Variants in SLC22A3 observed in about 807,000 individuals in gnomAD.
SLC22A3 encodes the protein solute carrier family 22 member 3.
A neutral mutation model predicts 59.1 loss-of-function variants in SLC22A3; 51 were observed. That is an observed-to-expected ratio of 0.86 (90% CI 0.69 to 1.09). The LOEUF (loss-of-function observed/expected upper bound fraction) is 1.09. SLC22A3 is among the 50% of genes least tolerant of loss of function. The probability of loss-of-function intolerance (pLI) is 0.00; values close to 1 mark genes in which losing one functional copy is unlikely to be tolerated. For missense variants in SLC22A3, 711 were observed against 726.3 expected (o/e 0.98, Z 0.24); for synonymous variants, 325 against 292.0 (o/e 1.11, Z -1.15).
At chr6:160,405,695 A>C (rs73590829) in intron 2 of SLC22A3, among the ~76,000 whole-genome samples, 4,105 of 152,228 alleles carry the variant, frequency 0.027, 174 homozygotes, top group African/African-American at 0.095. Context: ...CCATAGGTGA[A>C]TGGACAAACT....
chr6:160,378,324 A>G (rs1429527785), intron 1 of SLC22A3, among the ~76,000 whole-genome samples: 2 of 152,220 alleles, frequency 1.3e-5, no homozygotes, highest in Non-Finnish European at 2.9e-5. Context: ...GTGGATTTTC[A>G]TATGGCACTG....
intron 1 of SLC22A3, among the ~76,000 whole-genome samples, chr6:160,363,017 G>C (rs1470998622): frequency 6.6e-6 from 1 of 152,240 alleles, no homozygotes; most frequent in Admixed American, 6.5e-5. Context: ...CCCGCCGAGA[G>C]CTGAGGCTGG....
intron 5 of SLC22A3, 50 bp from the exon 6 acceptor site, chr6:160,436,730 G>T: frequency 5.9e-6 from 6 of 1,017,392 alleles, no homozygotes; most frequent in South Asian, 1.4e-5. Context: ...TACTATGCAG[G>T]TTTTTTTTTT....
intron 5 of SLC22A3, among the ~76,000 whole-genome samples, chr6:160,434,908 G>A (rs928222804): frequency 9.2e-5 from 14 of 152,222 alleles, no homozygotes; most frequent in African/African-American, 3.4e-4. Flanking sequence ...ACACAGAGGT[G>A]AGCAGCCAAG....
At position 160,393,337 on chromosome 6, in the gene SLC22A3, G is replaced by A. The variant is rs192934907; in HGVS notation, c.430-4642G>A. Among the ~76,000 whole-genome samples the A allele has an allele frequency of 6.9e-3, 1,047 of 151,136 alleles. 12 individuals are homozygous for A. Among genetic ancestry groups the A allele is most frequent in the African/African-American group, 0.025 (1,009 of 41,142 alleles). ...AAGTTTTAGGGTACATGTGCACAAC[G>A]TGCAGGTTTGTTACATATGTATACA... On this transcript the variant is annotated intron_variant, in intron 1 of 10. Transcript: ENST00000275300.
chr6:160,355,680 G>C (rs1379219195), intron 1 of SLC22A3, among the ~76,000 whole-genome samples: 2 of 152,094 alleles, frequency 1.3e-5, no homozygotes, highest in Non-Finnish European at 2.9e-5. Flanking sequence ...GTTGAGGCAG[G>C]AGAATGGCGT....
chr6:160,403,525 G>T (rs889728542), intron 2 of SLC22A3, among the ~76,000 whole-genome samples: 3 of 151,886 alleles, frequency 2.0e-5, no homozygotes, highest in African/African-American at 7.2e-5. Flanking sequence ...GAAGTAGAGG[G>T]ATTGCTTTCT....
At chr6:160,387,037 A>C (rs1181102411) in intron 1 of SLC22A3, among the ~76,000 whole-genome samples, 1 of 152,180 alleles carries the variant, frequency 6.6e-6, no homozygotes, top group Non-Finnish European at 1.5e-5. Flanking sequence ...GCTGTGACTC[A>C]TGCGCATGGC....
chr6:160,385,748 C>T (rs555856355), intron 1 of SLC22A3, among the ~76,000 whole-genome samples: 275 of 152,336 alleles, frequency 1.8e-3, no homozygotes, highest in African/African-American at 6.4e-3. Flanking sequence ...TTACCTCCCT[C>T]GCAGGCTCTC....
chr6:160,441,015 A>T (rs1473285147), intron 7 of SLC22A3, among the ~76,000 whole-genome samples: 1 of 151,710 alleles, frequency 6.6e-6, no homozygotes, highest in East Asian at 1.9e-4. Context: ...TCCATGAAAC[A>T]CCTTGCCTCG....
At chr6:160,366,113 A>G (rs913317152) in intron 1 of SLC22A3, among the ~76,000 whole-genome samples, 1 of 152,030 alleles carries the variant, frequency 6.6e-6, no homozygotes, top group Non-Finnish European at 1.5e-5. Flanking sequence ...TCCCCTCCCA[A>G]ATCTCATGTC....
At position 160,402,691 on chromosome 6, in the gene SLC22A3, A is replaced by C. The variant is rs1736391038; in HGVS notation, c.534-4350A>C. Reference sequence around the variant, plus strand: ...AAATTTGAAGAAATAAAAATTATACAATCTCTGCTCCCAGAACATAGTGGA... The same window carrying C: ...AAATTTGAAGAAATAAAAATTATACCATCTCTGCTCCCAGAACATAGTGGA... On this transcript the variant is annotated intron_variant, in intron 2 of 10. Transcript: ENST00000275300. 4.0e-5 allele frequency among the ~76,000 whole-genome samples: 6 copies of C among 151,846 alleles called. No individual in the cohort carries two copies. The South Asian group carries it at 1.2e-3, about 31-fold the overall frequency.
chr6:160,423,265 T>G (rs1027111239), intron 5 of SLC22A3, among the ~76,000 whole-genome samples: 1 of 152,248 alleles, frequency 6.6e-6, no homozygotes, highest in Non-Finnish European at 1.5e-5. Context: ...AAGTCTTTGC[T>G]ATTGTGAATA....
At position 160,415,641 on chromosome 6, in the gene SLC22A3, C is replaced by T. The variant is rs988588416; in HGVS notation, c.975+4795C>T. ...GAAGACGTTATCACTGTGTAAATGA[C>T]CTCATCCTTCACGACCTCTCTAATT... On this transcript the variant is annotated intron_variant, in intron 5 of 10. Coordinates refer to ENST00000275300, the MANE Select transcript of SLC22A3 (RefSeq NM_021977.4). The surrounding 1 kb of genome is among the most constrained non-coding windows in gnomAD (Gnocchi z 4.1). Among the ~76,000 whole-genome samples, 2 of 152,204 alleles carry T rather than the reference C, an allele frequency of 1.3e-5. No individual in the cohort carries two copies. Among genetic ancestry groups the T allele is most frequent in the Admixed American group, 6.5e-5 (1 of 15,270 alleles).
intron 5 of SLC22A3, among the ~76,000 whole-genome samples, chr6:160,422,527 C>T (rs1787780834): frequency 6.6e-6 from 1 of 152,190 alleles, no homozygotes. Flanking sequence ...GCGTGCGGCC[C>T]ATGCAACACA....
intron 2 of SLC22A3, among the ~76,000 whole-genome samples, chr6:160,404,863 A>G (rs1226135779): frequency 5.1e-5 from 7 of 138,292 alleles, no homozygotes; most frequent in African/African-American, 8.0e-5. Context: ...GGACAACCAC[A>G]TGCAAAAAAA....
At chr6:160,400,115 C>G (rs1330589265) in intron 2 of SLC22A3, among the ~76,000 whole-genome samples, 1 of 132,226 alleles carries the variant, frequency 7.6e-6, no homozygotes. Flanking sequence ...TTTTTTGCCA[C>G]CTGAAGCTCT....
Position 160,348,587 on chromosome 6 carries a change from C to G in SLC22A3, c.168C>G (p.Ala56=). Residue 56 remains alanine, a synonymous_variant, in exon 1 of 11, where the codon GCC becomes GCG. Coordinates refer to ENST00000275300, the MANE Select transcript of SLC22A3 (RefSeq NM_021977.4). ...ACTACTGGTGCCGCGGGCCAAGTGC[C>G]GCGGCGCTGGCCGAGCGCTGCGGCT... The part of the protein sequence containing the change: ...PDHYWCRGPS[A]AALAERCGWS... 6.6e-7 allele frequency: 1 copy of G among 1,523,928 alleles called. No homozygotes were observed. 94.4% of individuals were successfully genotyped at this position (1,523,928 alleles called of 1,614,324 possible).
chr6:160,425,579 A>C (rs1218599364), intron 5 of SLC22A3, among the ~76,000 whole-genome samples: 1 of 151,998 alleles, frequency 6.6e-6, no homozygotes, highest in Non-Finnish European at 1.5e-5. Flanking sequence ...TTATTTAACT[A>C]TACTTATTTT....
Sources: allele counts gnomAD v4.1 joint callset (sites outside exome capture counted in the v4.1 genomes callset), GRCh38; gene constraint gnomAD v4.1.1; non-coding constraint Gnocchi (gnomAD v3.1); transcripts MANE v1.5; gene names NCBI Gene and HGNC (gene_info 2026-07-23, HGNC 2026-07-21).